The following LIG3 variants were observed in gnomAD, a reference collection of about 807,000 sequenced individuals.
The protein encoded by LIG3 is ligase II, DNA, ATP-dependent.
In LIG3, 58 loss-of-function variants were observed where a neutral mutation model predicts 110.9. The observed-to-expected ratio is 0.52, with a 90% CI of 0.42 to 0.65. The LOEUF (loss-of-function observed/expected upper bound fraction) is 0.65, where lower values mean the gene tolerates loss of function less well. LIG3 is among the 30% of genes least tolerant of loss of function. LIG3 has a pLI of 0.00. For synonymous variants in LIG3, 422 were observed against 472.8 expected (o/e 0.89, Z 1.39); for missense variants, 1,094 against 1,273.8 (o/e 0.86, Z 2.15).
chr17:34,998,679 A>C lies in LIG3; in HGVS notation c.2065A>C (p.Thr689Pro). The change falls in exon 14 of 20, where the codon ACA becomes CCA. Residue 689 changes from threonine (T) to proline (P), a missense_variant. Coordinates refer to ENST00000378526, the MANE Select transcript of LIG3 (RefSeq NM_013975.4). ...DYLNEGAMAD[T>P]ADLVVLGAFY... is the part of the protein sequence containing the mutation. ...TTTGAACGAGGGGGCCATGGCCGAC[A>C]CAGCTGACCTGGTGGTCCTTGGAGC... 6.2e-7 allele frequency: 1 copy of C among 1,614,194 alleles called. No homozygotes were observed. The highest frequency in any genetic ancestry group is 8.5e-7 in the Non-Finnish European group (1 of 1,180,022).
intron 9 of LIG3, among the ~76,000 whole-genome samples, chr17:34,994,811 A>G (rs2142264612): frequency 6.6e-6 from 1 of 152,304 alleles, no homozygotes; most frequent in East Asian, 1.9e-4. Flanking sequence ...GCTGTCATTC[A>G]TTAATTTGTT....
intron 1 of LIG3, 92 bp from the exon 2 acceptor site, chr17:34,982,910 C>CTA: frequency 2.2e-6 from 2 of 899,756 alleles, no homozygotes; most frequent in Non-Finnish European, 3.3e-6. Context: ...TCATCATGGA[C>CTA]TATATAAGAC....
intron 11 of LIG3, 81 bp from the exon 12 acceptor site, chr17:34,997,657 C>A: frequency 2.0e-6 from 2 of 999,314 alleles, no homozygotes; most frequent in South Asian, 1.3e-5. Flanking sequence ...GCAGTTTTAT[C>A]ATTGTGGCCC....
At chr17:34,988,622 C>T (rs1233718721) in intron 3 of LIG3, among the ~76,000 whole-genome samples, 1 of 152,122 alleles carries the variant, frequency 6.6e-6, no homozygotes, top group Non-Finnish European at 1.5e-5. Flanking sequence ...AATCCCTGCC[C>T]CTTGACCACC....
intron 8 of LIG3, among the ~76,000 whole-genome samples, 171 bp downstream of exon 8, chr17:34,992,863 G>A (rs2090740297): frequency 6.6e-6 from 1 of 152,142 alleles, no homozygotes; most frequent in South Asian, 2.1e-4. Context: ...CGAAGGCAAA[G>A]GAGAAGACAG....
chr17:34,983,684 C>A, intron 2 of LIG3, 132 bp downstream of exon 2: 1 of 915,908 alleles, frequency 1.1e-6, no homozygotes, highest in Non-Finnish European at 1.6e-6. Flanking sequence ...TTGCCTAGGC[C>A]AGTGTTTAAT....
At position 35,006,450 on chromosome 17, in the gene LIG3, G is replaced by C. The variant is rs1320553347; in HGVS notation, c.*1944G>C. On this transcript the variant is annotated 3_prime_UTR_variant, in exon 20 of 20. Transcript: ENST00000378526. The stretch of plus-strand genomic sequence containing the variant: ...AACATCTAAGCCTCAATCCCTCCAA[G>C]TAGAATGGGTGCACCTAAATCATAG... 6.6e-6 allele frequency: 1 copy of C among 152,310 alleles called. No individual in the cohort carries two copies. The highest frequency in any genetic ancestry group is 2.4e-5 in the African/African-American group (1 of 41,438). The allele number at this position is 152,310 out of a possible 1,614,324, so 9.4% of individuals were successfully genotyped here.
intron 8 of LIG3, 136 bp from the exon 9 acceptor site, chr17:34,994,140 C>T: frequency 2.8e-6 from 2 of 706,706 alleles, no homozygotes; most frequent in Non-Finnish European, 4.6e-6. Context: ...ACCAGCCTTC[C>T]CTGAGCGTTA....
chr17:35,003,463 T>C, intron 19 of LIG3: 1 of 190,870 alleles, frequency 5.2e-6, no homozygotes, highest in Admixed American at 5.4e-5. Flanking sequence ...TATAGGCATG[T>C]GCCACCATGC....
chr17:34,999,350 C>T lies in LIG3; in HGVS notation c.2157C>T (p.Gly719=), dbSNP rs1328043568. Residue 719 remains glycine (G), a synonymous_variant, in exon 15 of 20, where the codon GGC becomes GGT. Transcript: ENST00000378526. ...TCCTCATGGGCTGCTACGACCCTGG[C>T]AGCCAGAAGTGGTGCACAGTCACCA... ...SIFLMGCYDP[G]SQKWCTVTKC... is the part of the protein sequence containing the mutation. 6.2e-7 allele frequency: 1 copy of T among 1,613,956 alleles called. No homozygotes were observed. The highest frequency in any genetic ancestry group is 1.1e-5 in the South Asian group (1 of 91,026).
chr17:34,985,926 T>C (rs943464474), intron 2 of LIG3, 62 bp from the exon 3 acceptor site: 12 of 1,549,264 alleles, frequency 7.7e-6, no homozygotes, highest in Middle Eastern at 1.7e-4. Flanking sequence ...ATAGATTCTT[T>C]GGATGTTTTT....
At position 35,006,660 on chromosome 17, in the gene LIG3, T is replaced by G. The variant is rs1378280543; in HGVS notation, c.*2154T>G. Reference sequence around the variant, plus strand: ...GCATGTTCCAGCCAACACTCCACTCTGAGTGCAGGCTCATCAGGACACCAT... The same window carrying G: ...GCATGTTCCAGCCAACACTCCACTCGGAGTGCAGGCTCATCAGGACACCAT... On this transcript the variant is annotated 3_prime_UTR_variant, in exon 20 of 20. Transcript: ENST00000378526. 1 of 152,274 alleles carries G rather than the reference T, an allele frequency of 6.6e-6. No homozygotes were observed. The highest frequency in any genetic ancestry group is 1.9e-4 in the East Asian group (1 of 5,192). 9.4% of individuals were successfully genotyped at this position (152,274 alleles called of 1,614,324 possible). A position where few individuals can be genotyped will look rare whatever the true frequency, so the allele number is the denominator to read the frequency against.
rs557062623 is a variant in LIG3, at chr17:34,991,374, C to G, written c.1041+260C>G. 10 of 564,848 alleles carry G rather than the reference C, an allele frequency of 1.8e-5. No homozygotes were observed. The East Asian group carries it at 2.7e-4, about 15-fold the overall frequency. The allele number at this position is 564,848 out of a possible 1,614,324, so 35.0% of individuals were successfully genotyped here. A position where few individuals can be genotyped will look rare whatever the true frequency, so the allele number is the denominator to read the frequency against. On this transcript the variant is annotated intron_variant, in intron 5 of 19. Coordinates refer to ENST00000378526, the MANE Select transcript of LIG3 (RefSeq NM_013975.4). ...AAAAGGCAGAATTTGAGACTTGCCC[C>G]CTCTGTCTCTCCTGGGGCTTTTATT...
At chr17:34,999,106 G>C in intron 14 of LIG3, 1 of 592,200 alleles carries the variant, frequency 1.7e-6, no homozygotes. Flanking sequence ...CCAACAGGTT[G>C]GGTGTGATTA....
intron 2 of LIG3, among the ~76,000 whole-genome samples, chr17:34,983,775 A>G (rs959166632): frequency 6.6e-6 from 1 of 152,234 alleles, no homozygotes; most frequent in Non-Finnish European, 1.5e-5. Context: ...TTGGGATTAC[A>G]GGCGCATGCC....
Position 34,980,592 on chromosome 17 carries a change from C to A in LIG3, c.-35C>A, listed in dbSNP as rs1369098043. The stretch of plus-strand genomic sequence containing the variant: ...GGCCTGTAATGAGCAAGTTCCGAGG[C>A]CTACGGTGAGCGCCGGAGCCGGAGA... On this transcript the variant is annotated 5_prime_UTR_variant, in exon 1 of 20. Transcript: ENST00000378526. 7.8e-7 allele frequency: 1 copy of A among 1,285,996 alleles called. No homozygotes were observed. Among genetic ancestry groups the A allele is most frequent in the Non-Finnish European group, 1.0e-6 (1 of 987,070 alleles). The allele number at this position is 1,285,996 out of a possible 1,614,324, so 79.7% of individuals were successfully genotyped here. A position where few individuals can be genotyped will look rare whatever the true frequency, so the allele number is the denominator to read the frequency against.
chr17:34,985,957 G>T, intron 2 of LIG3, 31 bp from the exon 3 acceptor site: 1 of 1,604,576 alleles, frequency 6.2e-7, no homozygotes, highest in South Asian at 1.1e-5. Context: ...GTTCACTGAA[G>T]GATATTTTAT....
rs774999674 is a variant in LIG3, at chr17:34,985,917, T to C, written c.548-71T>C. 2.6e-6 allele frequency: 4 copies of C among 1,518,154 alleles called. No homozygotes were observed. In the African/African-American group the frequency reaches 5.5e-5, roughly 21 times the overall value. The allele number at this position is 1,518,154 out of a possible 1,614,324, so 94.0% of individuals were successfully genotyped here. On this transcript the variant is annotated intron_variant, in intron 2 of 19. Transcript: ENST00000378526. ...CAAGCAAGGCCCTAGGAGCAGTTGA[T>C]AGATTCTTTGGATGTTTTTTTCAGA...
At chr17:34,995,007 C>T (rs890507773) in intron 9 of LIG3, among the ~76,000 whole-genome samples, 14 of 152,248 alleles carry the variant, frequency 9.2e-5, no homozygotes, top group African/African-American at 3.4e-4. Context: ...TATTCCTTAG[C>T]CCTTCTCCAC....
Sources: gnomAD v4.1 joint callset for allele counts (sites outside exome capture counted in the v4.1 genomes callset) on GRCh38, gnomAD v4.1.1 for gene constraint, MANE v1.5 for transcripts, NCBI Gene and HGNC (gene_info 2026-07-23, HGNC 2026-07-21) for gene names.